Variants in MYO1D observed in about 807,000 individuals in gnomAD.
MYO1D encodes the protein unconventional myosin-Id.
A neutral mutation model predicts 122.0 loss-of-function variants in MYO1D; 83 were observed. That is an observed-to-expected ratio of 0.68 (90% confidence interval 0.57 to 0.82). The LOEUF (loss-of-function observed/expected upper bound fraction) is 0.82, where lower values mean the gene tolerates loss of function less well. Among genes scored for constraint, MYO1D ranks in the 40% least tolerant of loss-of-function variants. The pLI is 0.00. For synonymous variants in MYO1D, 464 were observed against 446.9 expected (o/e 1.04, Z -0.48); for missense variants, 1,157 against 1,269.5 (o/e 0.91, Z 1.35).
intron 12 of MYO1D, among the ~76,000 whole-genome samples, chr17:32,747,953 T>C (rs1316150847): frequency 1.3e-5 from 2 of 152,124 alleles, no homozygotes; most frequent in African/African-American, 2.4e-5. Flanking sequence ...CCAGTGCTAC[T>C]AGAAGCTGGA....
chr17:32,581,441 TC>T (rs1236981705), intron 21 of MYO1D, among the ~76,000 whole-genome samples: 3 of 152,124 alleles, frequency 2.0e-5, no homozygotes, highest in African/African-American at 7.2e-5. Flanking sequence ...TCTTCTGCTT[TC>T]TTTGGTTTAA....
intron 21 of MYO1D, among the ~76,000 whole-genome samples, chr17:32,562,623 C>G (rs1203056683): frequency 6.6e-6 from 1 of 152,096 alleles, no homozygotes; most frequent in African/African-American, 2.4e-5. Flanking sequence ...GCTAGGACTA[C>G]AGGTGCGTGC....
intron 1 of MYO1D, among the ~76,000 whole-genome samples, chr17:32,829,911 A>G (rs2090756536): frequency 6.6e-6 from 1 of 152,154 alleles, no homozygotes; most frequent in South Asian, 2.1e-4. Flanking sequence ...AAATAAACAG[A>G]CATCTCTTCT....
rs10523328 is a variant in MYO1D at position 32,677,580 on chromosome 17, A to AATATATAT, written c.2122-18250_2122-18243dup. Reference sequence around the variant, plus strand: ...TCATCAGGGGATATATAGATAGATAAATATATATATATATATATATATATA... The same window carrying AATATATAT: ...TCATCAGGGGATATATAGATAGATAAATATATATATATATATATATATATATATATATA... On this transcript the variant is annotated intron_variant, in intron 16 of 21. Coordinates refer to ENST00000318217, the MANE Select transcript of MYO1D (RefSeq NM_015194.3). 2.4e-3 allele frequency among the ~76,000 whole-genome samples: 328 copies of AATATATAT among 135,688 alleles called. 2 individuals are homozygous for AATATATAT. The highest frequency in any genetic ancestry group is 4.1e-3 in the East Asian group (18 of 4,366). The allele number at this position is 135,688 out of a possible 152,430, so 89.0% of individuals were successfully genotyped here.
chr17:32,693,507 T>C (rs1021131924), intron 16 of MYO1D, among the ~76,000 whole-genome samples: 2 of 152,238 alleles, frequency 1.3e-5, no homozygotes, highest in South Asian at 4.1e-4. Context: ...TCCCCTCTTT[T>C]TTCACCTAAC....
chr17:32,735,767 G>A (rs2089694555), intron 14 of MYO1D, among the ~76,000 whole-genome samples: 1 of 151,936 alleles, frequency 6.6e-6, no homozygotes, highest in South Asian at 2.1e-4. Flanking sequence ...GTTCAACATG[G>A]CTTGTCTTGG....
intron 21 of MYO1D, among the ~76,000 whole-genome samples, chr17:32,556,401 G>A (rs1175193334): frequency 2.6e-5 from 4 of 152,178 alleles, no homozygotes; most frequent in African/African-American, 9.7e-5. Context: ...GGGTGAGTGG[G>A]GCTCCTGAGG....
intron 19 of MYO1D, among the ~76,000 whole-genome samples, chr17:32,647,340 A>G (rs1242699568): frequency 1.4e-4 from 21 of 152,246 alleles, no homozygotes; most frequent in Non-Finnish European, 1.2e-4. Context: ...AACAGTTTCT[A>G]AAGTCGTATT....
At chr17:32,835,538 C>G (rs985973983) in intron 1 of MYO1D, among the ~76,000 whole-genome samples, 4 of 152,184 alleles carry the variant, frequency 2.6e-5, no homozygotes, top group African/African-American at 9.7e-5. Flanking sequence ...AGCTTTCTTA[C>G]ACGGCCCTGA....
intron 21 of MYO1D, among the ~76,000 whole-genome samples, chr17:32,596,881 T>G (rs542175614): frequency 1.3e-5 from 2 of 152,278 alleles, no homozygotes; most frequent in African/African-American, 2.4e-5. Flanking sequence ...TGTTTAGTAG[T>G]GGGCAGAAAA....
chr17:32,823,883 T>C (rs1387124221), intron 1 of MYO1D, among the ~76,000 whole-genome samples: 2 of 151,758 alleles, frequency 1.3e-5, no homozygotes, highest in Non-Finnish European at 2.9e-5. Context: ...CTGGCTAACA[T>C]GGTGAAACCC....
chr17:32,849,873 T>C (rs926290382), intron 1 of MYO1D, among the ~76,000 whole-genome samples: 13 of 152,344 alleles, frequency 8.5e-5, no homozygotes, highest in Non-Finnish European at 5.9e-5. Context: ...GCCCAAATTG[T>C]GGACTTTTGT....
At chr17:32,742,998 C>T (rs1232360965) in intron 13 of MYO1D, among the ~76,000 whole-genome samples, 1 of 152,220 alleles carries the variant, frequency 6.6e-6, no homozygotes, top group African/African-American at 2.4e-5. Context: ...TCTCATCCCT[C>T]CTGCTTTTGA....
At chr17:32,609,224 C>CA (rs1351376600) in intron 20 of MYO1D, among the ~76,000 whole-genome samples, 2 of 152,200 alleles carry the variant, frequency 1.3e-5, no homozygotes, top group Admixed American at 6.5e-5. Context: ...AAGCAGAAGT[C>CA]AGAGTGATTT....
intron 20 of MYO1D, among the ~76,000 whole-genome samples, chr17:32,622,263 A>G (rs1029269812): frequency 7.2e-5 from 11 of 152,060 alleles, no homozygotes; most frequent in African/African-American, 2.7e-4. Context: ...TCCTTGCTTG[A>G]GTACAGGTCC....
At chr17:32,832,979 C>A (rs1213427002) in intron 1 of MYO1D, among the ~76,000 whole-genome samples, 1 of 152,182 alleles carries the variant, frequency 6.6e-6, no homozygotes, top group East Asian at 1.9e-4. Context: ...TGGTACTCCC[C>A]CGAGTCTCGG....
At position 32,659,174 on chromosome 17, in the gene MYO1D, CCA is replaced by C; in HGVS notation, c.2284_2285del (p.Trp762AlafsTer5). ...GGCGAAGAACTTTAGGAGGGCTTGG[CCA>C]CTTCACGTGCTTCCCGTAGTCTCGC... is the stretch of plus-strand genomic sequence containing the variant. ...TMRDYGKHVK[W>X]PSPPKVLRRF... On this transcript the variant is annotated frameshift_variant, in exon 17 of 22. Coordinates refer to ENST00000318217, the MANE Select transcript of MYO1D (RefSeq NM_015194.3). LOFTEE classifies it high-confidence loss of function. 2 of 1,614,132 alleles carry C rather than the reference CCA, an allele frequency of 1.2e-6. No individual in the cohort carries two copies. Among genetic ancestry groups the C allele is most frequent in the Non-Finnish European group, 8.5e-7 (1 of 1,180,034 alleles).
intron 21 of MYO1D, among the ~76,000 whole-genome samples, chr17:32,602,915 A>T (rs1246950536): frequency 6.6e-6 from 1 of 152,200 alleles, no homozygotes; most frequent in Non-Finnish European, 1.5e-5. Context: ...AGCTAGAAAA[A>T]ATCAAATTAA....
chr17:32,783,922 C>T (rs902989204), intron 1 of MYO1D, among the ~76,000 whole-genome samples: 1 of 152,218 alleles, frequency 6.6e-6, no homozygotes, highest in Admixed American at 6.5e-5. Flanking sequence ...CCTTTCATGA[C>T]AAACTTTTAT....
Sources: allele counts gnomAD v4.1 joint callset (sites outside exome capture counted in the v4.1 genomes callset), GRCh38; gene constraint gnomAD v4.1.1; transcripts MANE v1.5; gene names NCBI Gene and HGNC (gene_info 2026-07-23, HGNC 2026-07-21).